The following ALCAM variants were observed in gnomAD, a reference collection of about 807,000 sequenced individuals.
ALCAM encodes the protein CD166 antigen.
Under a neutral mutation model 70.9 loss-of-function variants are expected in ALCAM, and 30 were observed. That is an observed-to-expected ratio of 0.42 (90% CI 0.32 to 0.57). The LOEUF (loss-of-function observed/expected upper bound fraction) is 0.57. Ranked by LOEUF, ALCAM falls within the 20% of genes least tolerant of loss-of-function variation. The pLI, the probability that ALCAM is intolerant of heterozygous loss-of-function variation, is 0.11. For missense variants in ALCAM, 591 were observed against 695.1 expected (o/e 0.85, Z 1.68); for synonymous variants, 249 against 242.5 (o/e 1.03, Z -0.25).
chr3:105,391,162 A>G (rs897986759), intron 1 of ALCAM, among the ~76,000 whole-genome samples: 5 of 152,120 alleles, frequency 3.3e-5, no homozygotes, highest in East Asian at 1.9e-4. Context: ...TGGTAATAGC[A>G]TTGAATCTAC....
At chr3:105,504,851 C>T (rs941721197) in intron 1 of ALCAM, among the ~76,000 whole-genome samples, 1 of 152,152 alleles carries the variant, frequency 6.6e-6, no homozygotes, top group African/African-American at 2.4e-5. Flanking sequence ...AGCCAGGGAC[C>T]ACGTCCCCCT....
At chr3:105,462,020 T>C (rs528411311) in intron 1 of ALCAM, among the ~76,000 whole-genome samples, 37 of 151,532 alleles carry the variant, frequency 2.4e-4, no homozygotes, top group Non-Finnish European at 2.7e-4. Flanking sequence ...TGGGGAAATA[T>C]AGTAAAAAAT....
rs939369448 is a variant in ALCAM, at chr3:105,576,000, C to T, written c.*1549C>T. The T allele has an allele frequency of 1.3e-5, 2 of 152,118 alleles. No homozygotes were observed. Among genetic ancestry groups the T allele is most frequent in the African/African-American group, 4.8e-5 (2 of 41,412 alleles). 9.4% of individuals were successfully genotyped at this position (152,118 alleles called of 1,614,324 possible). On this transcript the variant is annotated 3_prime_UTR_variant, in exon 16 of 16. Coordinates refer to ENST00000306107, the MANE Select transcript of ALCAM (RefSeq NM_001627.4). ...TTATTTAGAAACATACGTTATTGTA[C>T]ATTTGTAAACCATTTACTGTCTGGG...
chr3:105,442,067 T>C (rs973004159), intron 1 of ALCAM, among the ~76,000 whole-genome samples: 1 of 152,224 alleles, frequency 6.6e-6, no homozygotes, highest in African/African-American at 2.4e-5. Context: ...TATTTCTTTC[T>C]ATATACATTT....
Position 105,402,730 on chromosome 3 carries a change from C to A in ALCAM, c.73+35249C>A, listed in dbSNP as rs574327410. On this transcript the variant is annotated intron_variant, in intron 1 of 15. Transcript: ENST00000306107. ...CCCCCATCCCCCATGGCAGCCACAG[C>A]AAGCTCTGCCCAGGAGAGGCTGAGT... 2.7e-3 allele frequency among the ~76,000 whole-genome samples: 412 copies of A among 152,154 alleles called. 9 individuals are homozygous for A. Among genetic ancestry groups the A allele is most frequent in the Non-Finnish European group, 9.6e-4 (65 of 67,998 alleles).
intron 1 of ALCAM, among the ~76,000 whole-genome samples, chr3:105,456,077 GAAACAAAACA>G (rs149084015): frequency 4.6e-5 from 7 of 151,968 alleles, no homozygotes; most frequent in Admixed American, 1.3e-4. Flanking sequence ...AACTCCATCT[GAAACAAAACA>G]AAACAAAACA....
intron 1 of ALCAM, among the ~76,000 whole-genome samples, chr3:105,418,485 C>T (rs981880534): frequency 6.6e-6 from 1 of 151,446 alleles, no homozygotes; most frequent in Non-Finnish European, 1.5e-5. Context: ...GTTTTTACTA[C>T]CATGAGATTT....
At chr3:105,539,928 T>C (rs1458398501) in intron 6 of ALCAM, 47 bp from the exon 7 acceptor site, 1 of 1,603,592 alleles carries the variant, frequency 6.2e-7, no homozygotes, top group Admixed American at 1.7e-5. Flanking sequence ...CACAGAGTAA[T>C]TCGGTACTTG....
chr3:105,497,803 G>A (rs1457063887), intron 1 of ALCAM, among the ~76,000 whole-genome samples: 1 of 152,040 alleles, frequency 6.6e-6, no homozygotes, highest in African/African-American at 2.4e-5. Context: ...AGGCCGAGGC[G>A]GGCGGATCAC....
chr3:105,541,330 T>C (rs1002458640), intron 7 of ALCAM, among the ~76,000 whole-genome samples: 1 of 151,918 alleles, frequency 6.6e-6, no homozygotes, highest in South Asian at 2.1e-4. Context: ...AAGGCATAAA[T>C]ATAAAAATAA....
chr3:105,462,865 C>T (rs923716505), intron 1 of ALCAM, among the ~76,000 whole-genome samples: 3 of 151,330 alleles, frequency 2.0e-5, no homozygotes, highest in Non-Finnish European at 4.4e-5. Context: ...GCTGGCCTAA[C>T]CTTTCCATCT....
intron 1 of ALCAM, among the ~76,000 whole-genome samples, chr3:105,374,322 G>T (rs1176782046): frequency 6.6e-6 from 1 of 152,020 alleles, no homozygotes; most frequent in Admixed American, 6.5e-5. Context: ...TTGGGAGGCC[G>T]AGGCGGGCGG....
At chr3:105,403,445 T>TGGTA (rs1333143988) in intron 1 of ALCAM, among the ~76,000 whole-genome samples, 2 of 152,144 alleles carry the variant, frequency 1.3e-5, no homozygotes, top group South Asian at 4.1e-4. Context: ...CAGCCTAAGC[T>TGGTA]GGTAGCTCCA....
At chr3:105,446,020 A>G (rs1194464267) in intron 1 of ALCAM, among the ~76,000 whole-genome samples, 1 of 152,196 alleles carries the variant, frequency 6.6e-6, no homozygotes, top group Non-Finnish European at 1.5e-5. Context: ...ACCAAAGGAA[A>G]CACTCTAAAG....
At chr3:105,416,691 C>T (rs1936515331) in intron 1 of ALCAM, among the ~76,000 whole-genome samples, 1 of 152,000 alleles carries the variant, frequency 6.6e-6, no homozygotes, top group Non-Finnish European at 1.5e-5. Flanking sequence ...CTTCACTCAT[C>T]TTATTTCTAT....
At chr3:105,393,072 A>G (rs1010422547) in intron 1 of ALCAM, among the ~76,000 whole-genome samples, 1 of 151,796 alleles carries the variant, frequency 6.6e-6, no homozygotes, top group Non-Finnish European at 1.5e-5. Flanking sequence ...AGTTGTGCTC[A>G]TTTTTATGTG....
At chr3:105,427,509 G>C (rs770568643) in intron 1 of ALCAM, among the ~76,000 whole-genome samples, 23 of 151,864 alleles carry the variant, frequency 1.5e-4, no homozygotes, top group Non-Finnish European at 3.1e-4. Flanking sequence ...GCATTTAAAG[G>C]GGGAGGAAAA....
At chr3:105,424,722 G>T (rs1195478664) in intron 1 of ALCAM, among the ~76,000 whole-genome samples, 1 of 151,746 alleles carries the variant, frequency 6.6e-6, no homozygotes, top group Non-Finnish European at 1.5e-5. Flanking sequence ...GGATGATTTT[G>T]TAGGAATCTA....
intron 1 of ALCAM, among the ~76,000 whole-genome samples, chr3:105,475,479 G>C (rs1003657569): frequency 2.0e-5 from 3 of 151,922 alleles, no homozygotes; most frequent in Non-Finnish European, 2.9e-5. Flanking sequence ...TGCTGGCTAT[G>C]TTATCACTTC....
Sources: allele counts gnomAD v4.1 joint callset (sites outside exome capture counted in the v4.1 genomes callset), GRCh38; gene constraint gnomAD v4.1.1; transcripts MANE v1.5; gene names NCBI Gene and HGNC (gene_info 2026-07-23, HGNC 2026-07-21).